The following EPB41 variants were observed in gnomAD, a reference collection of about 807,000 sequenced individuals.
EPB41 encodes the protein erythrocyte membrane protein band 4.1.
A neutral mutation model predicts 108.0 loss-of-function variants in EPB41; 65 were observed. The observed-to-expected ratio is 0.60, with a 90% CI of 0.49 to 0.74. EPB41 has a LOEUF of 0.74. EPB41 is among the 30% of genes least tolerant of loss of function. The pLI is 0.00. For synonymous variants in EPB41, 336 were observed against 358.9 expected (o/e 0.94, Z 0.72); for missense variants, 875 against 1,037.0 (o/e 0.84, Z 2.15).
At chr1:29,087,568 GT>G (rs1659585814) in intron 16 of EPB41, among the ~76,000 whole-genome samples, 1 of 151,150 alleles carries the variant, frequency 6.6e-6, no homozygotes, top group African/African-American at 2.4e-5. Flanking sequence ...CTCCATGTTG[GT>G]CAGGCTGGTC....
rs1355903575 is a variant in EPB41, at chr1:29,035,939, A to G, written c.1463+16A>G. On this transcript the variant is annotated intron_variant, in intron 10 of 20. Coordinates refer to ENST00000343067, the MANE Select transcript of EPB41 (RefSeq NM_001376013.1). The stretch of plus-strand genomic sequence containing the variant: ...CGTTTTTCAGGTATTATTCTCACTT[A>G]AGTATTTTTCAAGGATAAATTATTT... 16 of 1,564,778 alleles carry G rather than the reference A, an allele frequency of 1.0e-5. No homozygotes were observed. In the East Asian group the frequency reaches 3.6e-4, roughly 35 times the overall value.
intron 16 of EPB41, among the ~76,000 whole-genome samples, chr1:29,084,585 G>A (rs1214547021): frequency 6.6e-6 from 1 of 152,170 alleles, no homozygotes; most frequent in Non-Finnish European, 1.5e-5. Flanking sequence ...GTAATTTCAA[G>A]GAGCAAATGT....
chr1:29,036,084 T>C (rs1193612692), intron 10 of EPB41, among the ~76,000 whole-genome samples, 161 bp downstream of exon 10: 2 of 152,122 alleles, frequency 1.3e-5, no homozygotes, highest in East Asian at 3.9e-4. Flanking sequence ...TCTCTCCCTT[T>C]GGGTTGAAAA....
chr1:29,103,891 G>A (rs1666275770), intron 17 of EPB41, among the ~76,000 whole-genome samples: 1 of 152,098 alleles, frequency 6.6e-6, no homozygotes, highest in South Asian at 2.1e-4. Context: ...GGTTTCGAAT[G>A]CCTGATCTCA....
At chr1:29,017,243 C>T (rs760481009) in intron 6 of EPB41, among the ~76,000 whole-genome samples, 2 of 152,122 alleles carry the variant, frequency 1.3e-5, no homozygotes, top group Non-Finnish European at 2.9e-5. Context: ...ATTGTTCTGA[C>T]ATTTAAAAAA....
intron 1 of EPB41, among the ~76,000 whole-genome samples, chr1:28,963,344 C>CGTAT: frequency 6.8e-6 from 1 of 146,210 alleles, no homozygotes; most frequent in East Asian, 2.1e-4. Flanking sequence ...AAATCAGAAT[C>CGTAT]GTGTGTGTGT....
Position 29,118,706 on chromosome 1 carries a change from G to C in EPB41, c.*1894G>C, listed in dbSNP as rs1671387842. 6.6e-6 allele frequency: 1 copy of C among 152,340 alleles called. No homozygotes were observed. The highest frequency in any genetic ancestry group is 2.1e-4 in the South Asian group (1 of 4,830). The allele number at this position is 152,340 out of a possible 1,614,324, so 9.4% of individuals were successfully genotyped here. On this transcript the variant is annotated 3_prime_UTR_variant, in exon 21 of 21. Coordinates refer to ENST00000343067, the MANE Select transcript of EPB41 (RefSeq NM_001376013.1). The stretch of plus-strand genomic sequence containing the variant: ...ACATGAACAACAGGAGGGAGGGAAA[G>C]AGCCCAGGTGGGACGTGGGACAGGC...
chr1:28,967,013 CTTTT>C (rs71586876), intron 1 of EPB41, among the ~76,000 whole-genome samples: 1 of 85,366 alleles, frequency 1.2e-5, no homozygotes, highest in African/African-American at 4.7e-5. Flanking sequence ...ATATGAGAAC[CTTTT>C]TTTTTTTTTT....
intron 7 of EPB41, among the ~76,000 whole-genome samples, chr1:29,023,703 GAA>G (rs1264239890): frequency 1.3e-5 from 2 of 151,728 alleles, no homozygotes; most frequent in African/African-American, 4.9e-5. Flanking sequence ...AAAGAAAAAA[GAA>G]AGAAAAGCTC....
intron 5 of EPB41, among the ~76,000 whole-genome samples, chr1:29,013,596 G>A (rs1425628033): frequency 2.6e-5 from 4 of 151,810 alleles, no homozygotes; most frequent in Middle Eastern, 3.2e-3. Context: ...GTGTGATTTC[G>A]GCTCACTGCA....
At chr1:28,911,642 C>T (rs763708563), upstream of EPB41, among the ~76,000 whole-genome samples, 4 of 152,142 alleles carry the variant, frequency 2.6e-5, no homozygotes, top group Admixed American at 6.5e-5. Context: ...CCAGATTTTC[C>T]TGTCTGATTG....
chr1:29,024,506 G>T (rs971139587), intron 7 of EPB41, among the ~76,000 whole-genome samples: 1 of 147,888 alleles, frequency 6.8e-6, no homozygotes, highest in Non-Finnish European at 1.5e-5. Flanking sequence ...GGTGGCACGC[G>T]CCTGTAATCC....
At chr1:28,914,051 ACAGT>A (rs1336493673), upstream of EPB41, among the ~76,000 whole-genome samples, 1 of 152,176 alleles carries the variant, frequency 6.6e-6, no homozygotes, top group South Asian at 2.1e-4. Flanking sequence ...GCGCCTAGAG[ACAGT>A]CAAACTAGTG....
chr1:28,955,722 G>A (rs1174359677), intron 1 of EPB41, among the ~76,000 whole-genome samples: 1 of 152,146 alleles, frequency 6.6e-6, no homozygotes, highest in Admixed American at 6.5e-5. Flanking sequence ...GTTAATGACA[G>A]GTTGTGGAGA....
At chr1:29,116,150 C>CTTTT (rs537469371) in intron 20 of EPB41, among the ~76,000 whole-genome samples, 22 of 113,754 alleles carry the variant, frequency 1.9e-4, no homozygotes, top group Non-Finnish European at 2.9e-4. Context: ...ACAGGTCTCT[C>CTTTT]TTTTTTTTTT....
At chr1:28,935,473 C>A (rs150918130) in intron 1 of EPB41, among the ~76,000 whole-genome samples, 18,187 of 48,646 alleles carry the variant, frequency 0.37, 3,051 homozygotes, top group East Asian at 0.53. Context: ...ACACACCCCC[C>A]CCCCCCCAAG....
intron 1 of EPB41, among the ~76,000 whole-genome samples, chr1:28,941,103 C>T (rs1328480916): frequency 6.6e-6 from 1 of 151,780 alleles, no homozygotes; most frequent in Non-Finnish European, 1.5e-5. Context: ...AAGGGCCAGG[C>T]TCAGTGGCTT....
intron 1 of EPB41, among the ~76,000 whole-genome samples, chr1:28,915,872 T>A (rs2092617175): frequency 6.6e-6 from 1 of 152,080 alleles, no homozygotes; most frequent in South Asian, 2.1e-4. Flanking sequence ...CTCTTGAGGA[T>A]GTACTGTAGT....
intron 16 of EPB41, among the ~76,000 whole-genome samples, chr1:29,081,999 C>T (rs1373437305): frequency 6.6e-6 from 1 of 152,134 alleles, no homozygotes; most frequent in African/African-American, 2.4e-5. Flanking sequence ...GCCATTTTCA[C>T]TATTATACGA....
Sources: allele counts gnomAD v4.1 joint callset (sites outside exome capture counted in the v4.1 genomes callset), GRCh38; gene constraint gnomAD v4.1.1; transcripts MANE v1.5; gene names NCBI Gene and HGNC (gene_info 2026-07-23, HGNC 2026-07-21).